The following RCAN2 variants were observed in gnomAD, a reference collection of about 807,000 sequenced individuals.
The protein encoded by RCAN2 is regulator of calcineurin 2.
In RCAN2, 9 loss-of-function variants were observed where a neutral mutation model predicts 23.6. The observed-to-expected ratio is 0.38, with a 90% CI of 0.23 to 0.67. The LOEUF (loss-of-function observed/expected upper bound fraction) is 0.67, where lower values mean the gene tolerates loss of function less well. Ranked by LOEUF, RCAN2 falls within the 30% of genes least tolerant of loss-of-function variation. RCAN2 has a pLI of 0.51. For missense variants in RCAN2, 273 were observed against 302.3 expected (o/e 0.90, Z 0.72); for synonymous variants, 109 against 115.7 (o/e 0.94, Z 0.37).
At chr6:46,378,182 C>T (rs1403247725) in intron 2 of RCAN2, among the ~76,000 whole-genome samples, 2 of 152,124 alleles carry the variant, frequency 1.3e-5, no homozygotes, top group Non-Finnish European at 2.9e-5. Flanking sequence ...TGCCATGGGT[C>T]TCATGATTTG....
At chr6:46,397,015 G>A (rs1766110413) in intron 2 of RCAN2, among the ~76,000 whole-genome samples, 1 of 152,076 alleles carries the variant, frequency 6.6e-6, no homozygotes, top group Non-Finnish European at 1.5e-5. Context: ...GGAGACTGAG[G>A]TGGGAGAATC....
At chr6:46,449,070 T>C (rs368698215) in intron 2 of RCAN2, among the ~76,000 whole-genome samples, 5 of 151,964 alleles carry the variant, frequency 3.3e-5, no homozygotes, top group East Asian at 3.9e-4. Context: ...ATCTTATACA[T>C]AGAAAACCCT....
chr6:46,455,867 A>G (rs1255711790), intron 2 of RCAN2, among the ~76,000 whole-genome samples: 1 of 149,936 alleles, frequency 6.7e-6, no homozygotes, highest in African/African-American at 2.5e-5. Context: ...AAAAAAAAAA[A>G]GAAAGAAAGA....
intron 2 of RCAN2, among the ~76,000 whole-genome samples, chr6:46,387,917 G>T (rs1228196597): frequency 1.3e-5 from 2 of 152,164 alleles, no homozygotes; most frequent in African/African-American, 2.4e-5. Context: ...GGAATACTAT[G>T]CAGCCATAAA....
chr6:46,474,685 G>C (rs1168286370), intron 1 of RCAN2, among the ~76,000 whole-genome samples: 1 of 152,174 alleles, frequency 6.6e-6, no homozygotes, highest in Non-Finnish European at 1.5e-5. Context: ...AAATCCTTTG[G>C]AATCATTGCT....
chr6:46,480,631 G>GT (rs397713886), intron 1 of RCAN2, among the ~76,000 whole-genome samples: 72,054 of 148,576 alleles, frequency 0.48, 19,422 homozygotes, highest in East Asian at 0.62. Context: ...AGAGTTACTT[G>GT]TTTTTTTTTT....
chr6:46,417,734 T>C (rs1766754171), intron 2 of RCAN2, among the ~76,000 whole-genome samples: 1 of 152,234 alleles, frequency 6.6e-6, no homozygotes, highest in East Asian at 1.9e-4. Context: ...GGTAGTGTAT[T>C]TCAGAGAAAC....
chr6:46,298,960 C>A (rs1042303803), intron 2 of RCAN2, among the ~76,000 whole-genome samples: 2 of 152,014 alleles, frequency 1.3e-5, no homozygotes, highest in Non-Finnish European at 2.9e-5. Context: ...TTTGCTGCAA[C>A]ATGGATGCAG....
chr6:46,354,205 CTGTGTGTG>C (rs56237510), intron 2 of RCAN2, among the ~76,000 whole-genome samples: 36,771 of 132,920 alleles, frequency 0.28, 5,656 homozygotes, highest in East Asian at 0.44. Flanking sequence ...TGTTATTTTA[CTGTGTGTG>C]TGTGTGTGTG....
At chr6:46,377,188 C>G (rs1261261665) in intron 2 of RCAN2, among the ~76,000 whole-genome samples, 2 of 152,194 alleles carry the variant, frequency 1.3e-5, no homozygotes, top group African/African-American at 4.8e-5. Flanking sequence ...AAAACACAGT[C>G]TCCCCCAGCT....
intron 2 of RCAN2, among the ~76,000 whole-genome samples, chr6:46,365,203 C>T (rs1158946831): frequency 2.0e-5 from 3 of 152,234 alleles, no homozygotes; most frequent in Non-Finnish European, 2.9e-5. Flanking sequence ...TAGCTAGGCA[C>T]GGTGGCTCAC....
At chr6:46,238,039 A>G (rs1486012409) in intron 4 of RCAN2, among the ~76,000 whole-genome samples, 1 of 152,240 alleles carries the variant, frequency 6.6e-6, no homozygotes, top group African/African-American at 2.4e-5. Context: ...TGTGAACAAA[A>G]TAAATGACTG....
chr6:46,342,531 G>A lies in RCAN2; in HGVS notation c.226-93635C>T, dbSNP rs1482987473. Among the ~76,000 whole-genome samples the A allele has an allele frequency of 7.1e-5, 10 of 141,018 alleles. No individual in the cohort carries two copies. In the Admixed American group the frequency reaches 7.1e-4, roughly 10 times the overall value. The allele number at this position is 141,018 out of a possible 152,430, so 92.5% of individuals were successfully genotyped here. A position where few individuals can be genotyped will look rare whatever the true frequency, so the allele number is the denominator to read the frequency against. Reference sequence around the variant, plus strand: ...TGTGTCACTATACTCCAGCCTGAGTGATAGGGTGAGACCCTGTCTCTTAAA... The same window carrying A: ...TGTGTCACTATACTCCAGCCTGAGTAATAGGGTGAGACCCTGTCTCTTAAA... On this transcript the variant is annotated intron_variant, in intron 2 of 4. Coordinates refer to ENST00000371374, the MANE Select transcript of RCAN2 (RefSeq NM_001251974.2).
chr6:46,262,220 C>G (rs959026370), intron 2 of RCAN2, among the ~76,000 whole-genome samples: 107 of 152,076 alleles, frequency 7.0e-4, no homozygotes, highest in African/African-American at 2.5e-3. Flanking sequence ...CCCCTCTACC[C>G]AGTTGCTTAA....
chr6:46,491,007 A>G (rs1400213213), intron 1 of RCAN2, among the ~76,000 whole-genome samples, 166 bp downstream of exon 1: 13 of 78,596 alleles, frequency 1.7e-4, no homozygotes, highest in African/African-American at 3.7e-4. Flanking sequence ...CACTGCCCCC[A>G]CCCCCGCCAC....
chr6:46,430,021 C>A (rs1767144308), intron 2 of RCAN2, among the ~76,000 whole-genome samples: 1 of 152,146 alleles, frequency 6.6e-6, no homozygotes, highest in African/African-American at 2.4e-5. Flanking sequence ...GAAGGCCAGG[C>A]TAAGAATACT....
chr6:46,353,518 T>A (rs2150379392), intron 2 of RCAN2, among the ~76,000 whole-genome samples: 3 of 152,326 alleles, frequency 2.0e-5, no homozygotes, highest in Middle Eastern at 6.8e-3. Context: ...AGAAATCTAC[T>A]CTTTGTGTAA....
intron 1 of RCAN2, among the ~76,000 whole-genome samples, chr6:46,471,763 C>T: frequency 6.6e-6 from 1 of 152,132 alleles, no homozygotes; most frequent in African/African-American, 2.4e-5. Context: ...AAACACACCA[C>T]AATTTTAGAG....
In RCAN2 at chr6:46,396,639, G is replaced by T. The variant is rs140128406; in HGVS notation, c.225+60113C>A. Among the ~76,000 whole-genome samples the T allele has an allele frequency of 1.6e-3, 251 of 152,254 alleles. 1 individual carries two copies. The highest frequency in any genetic ancestry group is 5.8e-3 in the African/African-American group (239 of 41,546). On this transcript the variant is annotated intron_variant, in intron 2 of 4. Coordinates refer to ENST00000371374, the MANE Select transcript of RCAN2 (RefSeq NM_001251974.2). The stretch of plus-strand genomic sequence containing the variant: ...TTGCAGCTGGTGTCTATTCTGATTG[G>T]TTAGTACTTGTTTCATAAATGCTGT...
Sources: gnomAD v4.1 joint callset for allele counts (sites outside exome capture counted in the v4.1 genomes callset) on GRCh38, gnomAD v4.1.1 for gene constraint, MANE v1.5 for transcripts, NCBI Gene and HGNC (gene_info 2026-07-23, HGNC 2026-07-21) for gene names.